RNF126: variants seen among roughly 807,000 people sequenced by gnomAD.
RNF126 encodes the protein E3 ubiquitin-protein ligase RNF126.
A neutral mutation model predicts 41.9 loss-of-function variants in RNF126; 20 were observed. That is an observed-to-expected ratio of 0.48 (90% CI 0.34 to 0.69). RNF126 has a LOEUF of 0.69. RNF126 is among the 30% of genes least tolerant of loss of function. The pLI, the probability that RNF126 is intolerant of heterozygous loss-of-function variation, is 0.01. For synonymous variants in RNF126, 239 were observed against 202.9 expected (o/e 1.18, Z -1.51); for missense variants, 433 against 460.6 (o/e 0.94, Z 0.55).
intron 1 of RNF126, 88 bp downstream of exon 1, chr19:662,959 G>A: frequency 1.9e-6 from 1 of 526,646 alleles, no homozygotes; most frequent in Non-Finnish European, 2.9e-6. Flanking sequence ...CGCAAGAGGC[G>A]GGCGCAAGCG....
rs902087025 is a variant in RNF126 at position 649,565 on chromosome 19, C to T, written c.576+114G>A. 3.2e-5 allele frequency: 26 copies of T among 800,552 alleles called. No homozygotes were observed. The South Asian group carries it at 3.6e-4, about 11-fold the overall frequency. The allele number at this position is 800,552 out of a possible 1,614,324, so 49.6% of individuals were successfully genotyped here. The stretch of plus-strand genomic sequence containing the variant: ...CCCGCCAGAGCGTGGAGGCTGTGCC[C>T]GCATCCCCTTTGACCTTTGTGGGGC... On this transcript the variant is annotated intron_variant, in intron 6 of 8. Coordinates refer to ENST00000292363, the MANE Select transcript of RNF126 (RefSeq NM_194460.3).
At chr19:655,407 A>G (rs868867086) in intron 1 of RNF126, among the ~76,000 whole-genome samples, 16 of 151,652 alleles carry the variant, frequency 1.1e-4, no homozygotes, top group African/African-American at 3.1e-4. Context: ...AACGGCTTGA[A>G]CCTGGGAGGC....
intron 4 of RNF126, among the ~76,000 whole-genome samples, chr19:650,928 T>C (rs1483556098): frequency 6.6e-6 from 1 of 152,086 alleles, no homozygotes; most frequent in Admixed American, 6.5e-5. Context: ...GGGGCCTCCC[T>C]ACATTGCTCA....
intron 1 of RNF126, among the ~76,000 whole-genome samples, chr19:658,485 G>A (rs931431215): frequency 3.3e-5 from 5 of 152,052 alleles, no homozygotes; most frequent in African/African-American, 9.7e-5. Context: ...GGCCTCGGTA[G>A]GAGCCCCCGT....
chr19:647,776 C>T lies in RNF126; in HGVS notation c.*352G>A, dbSNP rs986632654. The T allele has an allele frequency of 1.4e-5, 5 of 363,984 alleles. No homozygotes were observed. Among genetic ancestry groups the T allele is most frequent in the Non-Finnish European group, 1.6e-5 (3 of 189,416 alleles). 22.5% of individuals were successfully genotyped at this position (363,984 alleles called of 1,614,324 possible). ...CAGCGCTGGGGGAGCCGCTGGGCCC[C>T]GTCTTCCGCCACAAACCATGCATGG... On this transcript the variant is annotated 3_prime_UTR_variant, in exon 9 of 9. Transcript: ENST00000292363.
At chr19:653,597 G>A (rs1600635872) in intron 1 of RNF126, among the ~76,000 whole-genome samples, 1 of 152,242 alleles carries the variant, frequency 6.6e-6, no homozygotes, top group East Asian at 1.9e-4. Context: ...GGCTCACAGG[G>A]CGGACTCCTC....
At chr19:652,720 C>A in intron 2 of RNF126, 106 bp downstream of exon 2, 2 of 1,019,344 alleles carry the variant, frequency 2.0e-6, no homozygotes, top group Non-Finnish European at 1.5e-6. Flanking sequence ...ACACCAGGGC[C>A]TGACGGCCCC....
rs1460448792 is a variant in RNF126, at chr19:659,244, G to A, written c.75+3803C>T. Among the ~76,000 whole-genome samples, 1 of 152,158 alleles carries A rather than the reference G, an allele frequency of 6.6e-6. No homozygotes were observed. The highest frequency in any genetic ancestry group is 6.5e-5 in the Admixed American group (1 of 15,278). ...GAAGACTCGGGCCAGGCCGCCGCAG[G>A]GACCAGGAGAAGACAGGGTGGGCCG... On this transcript the variant is annotated intron_variant, in intron 1 of 8. Coordinates refer to ENST00000292363, the MANE Select transcript of RNF126 (RefSeq NM_194460.3). The surrounding 1 kb of genome is among the most constrained non-coding windows in gnomAD (Gnocchi z 4.9).
rs903995553 is a variant in RNF126, at chr19:647,753, GCGCTGGGGGAGC to G, written c.*363_*374del. On this transcript the variant is annotated 3_prime_UTR_variant, in exon 9 of 9. Transcript: ENST00000292363. ...GGGAGCCGCTGAACCCCGTGCTTCAGCGCTGGGGGAGCCGCTGGGCCCCGTCTTCCGCCACAA... is the reference window on the plus strand; with the variant it reads ...GGGAGCCGCTGAACCCCGTGCTTCAGCGCTGGGCCCCGTCTTCCGCCACAA... The G allele has an allele frequency of 8.8e-6, 3 of 342,090 alleles. No individual in the cohort carries two copies. The highest frequency in any genetic ancestry group is 6.7e-5 in the African/African-American group (3 of 44,538). The allele number at this position is 342,090 out of a possible 1,614,324, so 21.2% of individuals were successfully genotyped here. A position where few individuals can be genotyped will look rare whatever the true frequency, so the allele number is the denominator to read the frequency against.
At chr19:652,466 C>T in intron 2 of RNF126, 170 bp from the exon 3 acceptor site, 1 of 638,562 alleles carries the variant, frequency 1.6e-6, no homozygotes, top group Non-Finnish European at 2.7e-6. Flanking sequence ...CTTCCCTCGC[C>T]AGTAAACCAC....
Position 652,899 on chromosome 19 carries a change from A to G in RNF126, c.76-15T>C, listed in dbSNP as rs758811304. The G allele has an allele frequency of 2.0e-5, 32 of 1,611,304 alleles. No homozygotes were observed. Among genetic ancestry groups the G allele is most frequent in the East Asian group, 1.1e-4 (5 of 44,878 alleles). On this transcript the variant is annotated splice_polypyrimidine_tract_variant and intron_variant, in intron 1 of 8. Transcript: ENST00000292363. ...CAGATATAATCCTGCAGGAGAGAACAGGAGGCCGGGTCACGGTGACGCCGG... is the reference window on the plus strand; with the variant it reads ...CAGATATAATCCTGCAGGAGAGAACGGGAGGCCGGGTCACGGTGACGCCGG...
In RNF126 at chr19:648,408, C is replaced by T. The variant is rs548726473; in HGVS notation, c.750G>A (p.Leu250=). The change falls in exon 8 of 9, where the codon CTG becomes CTA. Residue 250 remains leucine (L), a synonymous_variant. Transcript: ENST00000292363. ...ERVRQLPCNH[L]FHDGCIVPWL... ...AGGGCACGATGCAGCCGTCGTGGAACAGGTGGTTGCAGGGCAGCTGCCGCA... is the reference window on the plus strand; with the variant it reads ...AGGGCACGATGCAGCCGTCGTGGAATAGGTGGTTGCAGGGCAGCTGCCGCA... The T allele has an allele frequency of 7.2e-5, 114 of 1,581,224 alleles. No individual in the cohort carries two copies. The Middle Eastern group carries it at 1.1e-3, about 16-fold the overall frequency.
chr19:658,358 G>A (rs2030651056), intron 1 of RNF126, among the ~76,000 whole-genome samples: 1 of 149,724 alleles, frequency 6.7e-6, no homozygotes, highest in Non-Finnish European at 1.5e-5. Context: ...CCAGATGACT[G>A]ACAGTGACCA....
At position 662,327 on chromosome 19, in the gene RNF126, G is replaced by A. The variant is rs116470650; in HGVS notation, c.75+720C>T. ...CCTAAACGAGCAGGAAGTAGCACTC[G>A]GCACGCCCAGGCCCAGGGTCCTCTT... On this transcript the variant is annotated intron_variant, in intron 1 of 8. Coordinates refer to ENST00000292363, the MANE Select transcript of RNF126 (RefSeq NM_194460.3). 6.6e-5 allele frequency among the ~76,000 whole-genome samples: 10 copies of A among 152,276 alleles called. No homozygotes were observed. In the East Asian group the frequency reaches 1.5e-3, roughly 23 times the overall value.
At chr19:656,623 G>A (rs1200580726) in intron 1 of RNF126, among the ~76,000 whole-genome samples, 1 of 152,134 alleles carries the variant, frequency 6.6e-6, no homozygotes, top group Non-Finnish European at 1.5e-5. Context: ...ACTCCAGCCT[G>A]GGCCACAGAG....
rs1017404222 is a variant in RNF126, at chr19:649,224, G to GGT, written c.577-250_577-249insAC. 1.2e-4 allele frequency: 30 copies of GGT among 257,568 alleles called. 2 individuals are homozygous for GGT. The highest frequency in any genetic ancestry group is 1.8e-4 in the African/African-American group (8 of 45,042). 16.0% of individuals were successfully genotyped at this position (257,568 alleles called of 1,614,324 possible). A position where few individuals can be genotyped will look rare whatever the true frequency, so the allele number is the denominator to read the frequency against. Reference sequence around the variant, plus strand: ...CCTGGGTCCCTGACAGCGGAATGGGGGGGGGGGCCGCGCTCCTGAGTGCCC... The same window carrying GGT: ...CCTGGGTCCCTGACAGCGGAATGGGGGTGGGGGGGCCGCGCTCCTGAGTGCCC... On this transcript the variant is annotated intron_variant, in intron 6 of 8. Coordinates refer to ENST00000292363, the MANE Select transcript of RNF126 (RefSeq NM_194460.3).
In RNF126 at chr19:663,204, C is replaced by G; in HGVS notation, c.-83G>C. 2.3e-6 allele frequency: 1 copy of G among 430,758 alleles called. No individual in the cohort carries two copies. The highest frequency in any genetic ancestry group is 3.2e-6 in the Non-Finnish European group (1 of 309,582). The allele number at this position is 430,758 out of a possible 1,614,324, so 26.7% of individuals were successfully genotyped here. A position where few individuals can be genotyped will look rare whatever the true frequency, so the allele number is the denominator to read the frequency against. ...TTTGCTGCTCCCTCGCCGGCCGACGCGCCCGCGCACGCTCACGCACGGCAC... is the reference window on the plus strand; with the variant it reads ...TTTGCTGCTCCCTCGCCGGCCGACGGGCCCGCGCACGCTCACGCACGGCAC... On this transcript the variant is annotated 5_prime_UTR_variant, in exon 1 of 9. Coordinates refer to ENST00000292363, the MANE Select transcript of RNF126 (RefSeq NM_194460.3).
At chr19:652,538 GC>G (rs1568191264) in intron 2 of RNF126, 4 of 600,462 alleles carry the variant, frequency 6.7e-6, no homozygotes, top group East Asian at 5.6e-5. Context: ...TGTGGGTAGG[GC>G]CCCCGTGGCC....
intron 2 of RNF126, 30 bp downstream of exon 2, chr19:652,796 T>A: frequency 6.2e-7 from 1 of 1,606,460 alleles, no homozygotes; most frequent in Non-Finnish European, 8.5e-7. Flanking sequence ...GGCTGGCTCT[T>A]CCAGCCTCTT....
Sources: gnomAD v4.1 joint callset for allele counts (sites outside exome capture counted in the v4.1 genomes callset) on GRCh38, gnomAD v4.1.1 for gene constraint, Gnocchi (gnomAD v3.1) non-coding constraint, MANE v1.5 for transcripts, NCBI Gene and HGNC (gene_info 2026-07-23, HGNC 2026-07-21) for gene names.